KCNQ1: variants seen among roughly 807,000 people sequenced by gnomAD.
KCNQ1 encodes the protein potassium voltage-gated channel subfamily KQT member 1.
A neutral mutation model predicts 72.4 loss-of-function variants in KCNQ1; 49 were observed. The ratio of observed to expected loss-of-function variants is 0.68; its 90% CI spans 0.54 to 0.86. The LOEUF (loss-of-function observed/expected upper bound fraction) is 0.86. Ranked by LOEUF, KCNQ1 falls within the 40% of genes least tolerant of loss-of-function variation. The pLI, the probability that KCNQ1 is intolerant of heterozygous loss-of-function variation, is 0.00. For missense variants in KCNQ1, 790 were observed against 945.1 expected (o/e 0.84, Z 2.15); for synonymous variants, 450 against 412.6 (o/e 1.09, Z -1.10).
At chr11:2,616,563 C>T (rs1849068019) in intron 10 of KCNQ1, 1 of 397,898 alleles carries the variant, frequency 2.5e-6, no homozygotes, top group Non-Finnish European at 4.4e-6. Flanking sequence ...TCACTACATC[C>T]CATAAGTCTG....
rs143498980 is a variant in KCNQ1, at chr11:2,483,246, C to A, written c.386+37762C>A. Among the ~76,000 whole-genome samples the A allele has an allele frequency of 6.6e-6, 1 of 152,020 alleles. No homozygotes were observed. The highest frequency in any genetic ancestry group is 1.5e-5 in the Non-Finnish European group (1 of 68,004). On this transcript the variant is annotated intron_variant, in intron 1 of 15. Transcript: ENST00000155840. The surrounding 1 kb of genome is among the most constrained non-coding windows in gnomAD (Gnocchi z 6.1). ...GAGGGTTAAGATCCTGAGAGCAATG[C>A]GGGGGGTGTGAGTGATGAGGGACAA...
Position 2,477,293 on chromosome 11 carries a change from A to G in KCNQ1, c.386+31809A>G, listed in dbSNP as rs1441001770. On this transcript the variant is annotated intron_variant, in intron 1 of 15. Coordinates refer to ENST00000155840, the MANE Select transcript of KCNQ1 (RefSeq NM_000218.3). This position sits in a 1 kb window ranked among gnomAD's most constrained non-coding sequence, Gnocchi z 5.0. Reference sequence around the variant, plus strand: ...GTGTTTTCATCCCGTATGTTTGAACAATTTTTAATGTGGGATCAAAGGTAG... The same window carrying G: ...GTGTTTTCATCCCGTATGTTTGAACGATTTTTAATGTGGGATCAAAGGTAG... Among the ~76,000 whole-genome samples, 2 of 152,204 alleles carry G rather than the reference A, an allele frequency of 1.3e-5. No homozygotes were observed. Among genetic ancestry groups the G allele is most frequent in the African/African-American group, 4.8e-5 (2 of 41,448 alleles).
chr11:2,798,316 A>C (rs1847180458), intron 15 of KCNQ1, among the ~76,000 whole-genome samples: 1 of 152,082 alleles, frequency 6.6e-6, no homozygotes. Flanking sequence ...CCTCAGCCCC[A>C]CCTGCAGACC....
chr11:2,836,118 A>C (rs1848062346), intron 15 of KCNQ1, among the ~76,000 whole-genome samples: 1 of 152,070 alleles, frequency 6.6e-6, no homozygotes, highest in South Asian at 2.1e-4. Context: ...TAAAGATGAG[A>C]CCAAGAGGCA....
chr11:2,631,691 TAAG>T, intron 10 of KCNQ1: 1 of 398,562 alleles, frequency 2.5e-6, no homozygotes, highest in East Asian at 3.6e-5. Context: ...GATGGAGTGT[TAAG>T]TAGGTAGGGT....
rs114133275 is a variant in KCNQ1, at chr11:2,502,156, C to T, written c.387-25772C>T. ...GGAACATGACAAAGATGCCCACTTT[C>T]ATCACTGTTATTTAACACAGTAGTG... On this transcript the variant is annotated intron_variant, in intron 1 of 15. Transcript: ENST00000155840. Among the ~76,000 whole-genome samples the T allele has an allele frequency of 6.2e-3, 951 of 152,306 alleles. 12 individuals are homozygous for T. Among genetic ancestry groups the T allele is most frequent in the African/African-American group, 0.022 (917 of 41,574 alleles).
Position 2,676,161 on chromosome 11 carries a change from C to T in KCNQ1, c.1514+14080C>T, listed in dbSNP as rs930383583. ...GTAGCATACTGTATGTATTTTTCTA[C>T]ACTTTGCCTTTGACTTCTTCCATAG... On this transcript the variant is annotated intron_variant, in intron 11 of 15. Coordinates refer to ENST00000155840, the MANE Select transcript of KCNQ1 (RefSeq NM_000218.3). The surrounding 1 kb of genome is among the most constrained non-coding windows in gnomAD (Gnocchi z 4.2). 10 of 398,502 alleles carry T rather than the reference C, an allele frequency of 2.5e-5. No homozygotes were observed. Among genetic ancestry groups the T allele is most frequent in the Non-Finnish European group, 4.0e-5 (9 of 226,066 alleles). The allele number at this position is 398,502 out of a possible 1,614,324, so 24.7% of individuals were successfully genotyped here. A position where few individuals can be genotyped will look rare whatever the true frequency, so the allele number is the denominator to read the frequency against.
rs2133575945 is a variant in KCNQ1 at position 2,457,064 on chromosome 11, A to G, written c.386+11580A>G. ...CATGAAAAAATGCTCATCACTGATC[A>G]TCAGAGAAATGCAAATCAAAGTCAC... On this transcript the variant is annotated intron_variant, in intron 1 of 15. Coordinates refer to ENST00000155840, the MANE Select transcript of KCNQ1 (RefSeq NM_000218.3). The surrounding 1 kb of genome is among the most constrained non-coding windows in gnomAD (Gnocchi z 5.0). Among the ~76,000 whole-genome samples the G allele has an allele frequency of 6.6e-6, 1 of 152,338 alleles. No homozygotes were observed. The highest frequency in any genetic ancestry group is 2.1e-4 in the South Asian group (1 of 4,832).
chr11:2,583,832 G>A (rs1324594050), intron 7 of KCNQ1, among the ~76,000 whole-genome samples: 1 of 152,208 alleles, frequency 6.6e-6, no homozygotes, highest in Non-Finnish European at 1.5e-5. Flanking sequence ...AGCCCTGGGT[G>A]GGTGGGCAAT....
rs559367790 is a variant in KCNQ1, at chr11:2,515,422, C to T, written c.387-12506C>T. ...GAGGGCGGAGCCCCTGGCCCAGGGG[C>T]GGGGAGGCCTGTCCACCCCTCCCAC... On this transcript the variant is annotated intron_variant, in intron 1 of 15. Transcript: ENST00000155840. The surrounding 1 kb of genome is among the most constrained non-coding windows in gnomAD (Gnocchi z 4.7). Among the ~76,000 whole-genome samples the T allele has an allele frequency of 0.012, 1,681 of 139,422 alleles. 22 individuals are homozygous for T. Among genetic ancestry groups the T allele is most frequent in the African/African-American group, 0.039 (1,555 of 40,354 alleles). 91.5% of individuals were successfully genotyped at this position (139,422 alleles called of 152,430 possible). A position where few individuals can be genotyped will look rare whatever the true frequency, so the allele number is the denominator to read the frequency against.
rs1375467504 is a variant in KCNQ1, at chr11:2,567,884, T to C, written c.478-2744T>C. Among the ~76,000 whole-genome samples, 2 of 152,196 alleles carry C rather than the reference T, an allele frequency of 1.3e-5. No homozygotes were observed. The highest frequency in any genetic ancestry group is 2.4e-5 in the African/African-American group (1 of 41,444). On this transcript the variant is annotated intron_variant, in intron 2 of 15. Coordinates refer to ENST00000155840, the MANE Select transcript of KCNQ1 (RefSeq NM_000218.3). The surrounding 1 kb of genome is among the most constrained non-coding windows in gnomAD (Gnocchi z 6.6). ...TCCACAGCAATCCTTAATAGTTACT[T>C]ATCTATTTCAGGGTATAACATAAGA...
In KCNQ1 at chr11:2,559,124, G is replaced by A. The variant is rs1848119240; in HGVS notation, c.478-11504G>A. Among the ~76,000 whole-genome samples the A allele has an allele frequency of 6.6e-6, 1 of 152,064 alleles. No individual in the cohort carries two copies. The highest frequency in any genetic ancestry group is 1.5e-5 in the Non-Finnish European group (1 of 67,982). On this transcript the variant is annotated intron_variant, in intron 2 of 15. Transcript: ENST00000155840. This position sits in a 1 kb window ranked among gnomAD's most constrained non-coding sequence, Gnocchi z 4.9. ...GGTCACTTGAGCCTTGGCCTGCAGG[G>A]AGGTTTTGCTCAAGGAGTGTCCCTT... is the stretch of plus-strand genomic sequence containing the variant.
Position 2,670,389 on chromosome 11 carries a change from C to A in KCNQ1, c.1514+8308C>A, listed in dbSNP as rs1850161754. ...AGGCTGAAATTCCAAGAGCATTAAC[C>A]AGACACCTACTATGTGTATTTCTTG... On this transcript the variant is annotated intron_variant, in intron 11 of 15. Transcript: ENST00000155840. This position sits in a 1 kb window ranked among gnomAD's most constrained non-coding sequence, Gnocchi z 4.9. 2.5e-6 allele frequency: 1 copy of A among 398,312 alleles called. No individual in the cohort carries two copies. Among genetic ancestry groups the A allele is most frequent in the African/African-American group, 2.1e-5 (1 of 48,622 alleles). The allele number at this position is 398,312 out of a possible 1,614,324, so 24.7% of individuals were successfully genotyped here. A position where few individuals can be genotyped will look rare whatever the true frequency, so the allele number is the denominator to read the frequency against.
intron 2 of KCNQ1, among the ~76,000 whole-genome samples, chr11:2,530,061 A>G (rs1847592490): frequency 6.6e-6 from 1 of 152,130 alleles, no homozygotes; most frequent in Non-Finnish European, 1.5e-5. Context: ...TGCTTTGTTC[A>G]GACTTTTGCA....
intron 11 of KCNQ1, among the ~76,000 whole-genome samples, chr11:2,736,410 G>A (rs574419452): frequency 6.6e-6 from 1 of 152,294 alleles, no homozygotes; most frequent in East Asian, 1.9e-4. Context: ...ATTTTTTGGA[G>A]TCTTCCTGAG....
intron 15 of KCNQ1, among the ~76,000 whole-genome samples, chr11:2,836,136 G>A (rs1848062586): frequency 6.6e-6 from 1 of 152,190 alleles, no homozygotes; most frequent in African/African-American, 2.4e-5. Flanking sequence ...GCAGATGGGT[G>A]GAAGAGTTGA....
chr11:2,470,592 A>G (rs1846431846), intron 1 of KCNQ1, among the ~76,000 whole-genome samples: 1 of 150,910 alleles, frequency 6.6e-6, no homozygotes. Flanking sequence ...ACAGTTATCA[A>G]GGGAGGGGGT....
chr11:2,609,599 C>T (rs1379058473), intron 10 of KCNQ1: 7 of 398,206 alleles, frequency 1.8e-5, no homozygotes, highest in East Asian at 7.1e-5. Flanking sequence ...TCTTGTACTA[C>T]ACATTATTGA....
At chr11:2,580,945 G>A (rs1382338514) in intron 6 of KCNQ1, among the ~76,000 whole-genome samples, 1 of 152,264 alleles carries the variant, frequency 6.6e-6, no homozygotes, top group Non-Finnish European at 1.5e-5. Flanking sequence ...AGAGCCCGGA[G>A]TGGAGGGGTG....
Sources: allele counts gnomAD v4.1 joint callset (sites outside exome capture counted in the v4.1 genomes callset), GRCh38; gene constraint gnomAD v4.1.1; non-coding constraint Gnocchi (gnomAD v3.1); transcripts MANE v1.5; gene names NCBI Gene and HGNC (gene_info 2026-07-23, HGNC 2026-07-21).